UPF3A: variants seen among roughly 807,000 people sequenced by gnomAD.
UPF3A encodes UPF3A regulator of nonsense mediated mRNA decay.
In UPF3A, 42 loss-of-function variants were observed where a neutral mutation model predicts 53.5. That is an observed-to-expected ratio of 0.78 (90% CI 0.61 to 1.01). The LOEUF is 1.01. UPF3A is among the 50% of genes least tolerant of loss of function. UPF3A has a pLI of 0.00. For synonymous variants in UPF3A, 237 were observed against 225.3 expected (o/e 1.05, Z -0.47); for missense variants, 575 against 598.0 (o/e 0.96, Z 0.40).
intron 7 of UPF3A, among the ~76,000 whole-genome samples, chr13:114,294,359 C>T (rs996016704): frequency 3.0e-4 from 45 of 151,732 alleles, no homozygotes; most frequent in Middle Eastern, 3.2e-3. Flanking sequence ...GCCTCTACCT[C>T]CCAGGCTCAA....
At chr13:114,289,861 G>A (rs1381570911) in intron 5 of UPF3A, among the ~76,000 whole-genome samples, 1 of 152,176 alleles carries the variant, frequency 6.6e-6, no homozygotes, top group Non-Finnish European at 1.5e-5. Flanking sequence ...TACTTTGCCC[G>A]TGATCCCTGT....
At chr13:114,288,010 G>C in intron 5 of UPF3A, among the ~76,000 whole-genome samples, 1 of 152,146 alleles carries the variant, frequency 6.6e-6, no homozygotes, top group Non-Finnish European at 1.5e-5. Context: ...TCACCATGTT[G>C]GCCAGGCTGG....
rs1440337330 is a variant in UPF3A at position 114,282,010 on chromosome 13, G to T, written c.208-11G>T. ...TCCGCCCCGGTGGGAACGGCCGCGC[G>T]CTCCCCGCAGGTGGTCATCCGCCGC... is the stretch of plus-strand genomic sequence containing the variant. On this transcript the variant is annotated splice_polypyrimidine_tract_variant and intron_variant, in intron 1 of 9. Coordinates refer to ENST00000375299, the MANE Select transcript of UPF3A (RefSeq NM_023011.4). The T allele has an allele frequency of 1.9e-6, 3 of 1,545,964 alleles. No individual in the cohort carries two copies. The highest frequency in any genetic ancestry group is 1.9e-5 in the Admixed American group (1 of 51,386).
At chr13:114,281,899 T>TGGAG in intron 1 of UPF3A, 53 bp downstream of exon 1, 1 of 621,150 alleles carries the variant, frequency 1.6e-6, no homozygotes, top group African/African-American at 2.6e-5. Context: ...CGGCCCTGAG[T>TGGAG]GGAGGGAGGG....
At position 114,282,926 on chromosome 13, in the gene UPF3A, T is replaced by G; in HGVS notation, c.404T>G (p.Ile135Ser). 3 of 1,608,864 alleles carry G rather than the reference T, an allele frequency of 1.9e-6. No individual in the cohort carries two copies. Among genetic ancestry groups the G allele is most frequent in the Non-Finnish European group, 2.6e-6 (3 of 1,176,196 alleles). ...TTTAGAGATCGTTTTGATGGATATA[T>G]CTTCCTTGACAGCAAAGGTTGGATT... is the stretch of plus-strand genomic sequence containing the variant. ...LLFRDRFDGY[I>S]FLDSKGLEYP... Residue 135 changes from isoleucine (I) to serine (S), a missense_variant, in exon 3 of 10, where the codon ATC becomes AGC. This residue lies in a region of UPF3A where 252 missense variants were observed against 182.7 expected (regional missense o/e 1.38). Transcript: ENST00000375299.
intron 8 of UPF3A, among the ~76,000 whole-genome samples, chr13:114,301,195 C>T (rs2086571742): frequency 6.6e-6 from 1 of 151,964 alleles, no homozygotes; most frequent in African/African-American, 2.4e-5. Flanking sequence ...GGCACGGTGG[C>T]TCACACCTGT....
chr13:114,296,022 G>A (rs1308505999), intron 7 of UPF3A, among the ~76,000 whole-genome samples: 1 of 152,204 alleles, frequency 6.6e-6, no homozygotes. Context: ...GGCCTAGAGA[G>A]AGGTCACCGG....
intron 8 of UPF3A, among the ~76,000 whole-genome samples, chr13:114,301,120 G>A (rs1179896413): frequency 6.6e-6 from 1 of 151,340 alleles, no homozygotes; most frequent in Non-Finnish European, 1.5e-5. Context: ...GTCAAAAGAA[G>A]GTATTTACTT....
chr13:114,295,657 T>C (rs2085902060), intron 7 of UPF3A, among the ~76,000 whole-genome samples: 1 of 152,228 alleles, frequency 6.6e-6, no homozygotes, highest in Non-Finnish European at 1.5e-5. Context: ...TACCTGAGGT[T>C]ATCTTATTCC....
At chr13:114,304,479 G>C (rs1304864397) in intron 9 of UPF3A, among the ~76,000 whole-genome samples, 1 of 152,204 alleles carries the variant, frequency 6.6e-6, no homozygotes, top group Admixed American at 6.5e-5. Context: ...AACCATCTGT[G>C]AGGGTCCACA....
intron 8 of UPF3A, among the ~76,000 whole-genome samples, chr13:114,301,460 C>T (rs2086597964): frequency 6.8e-6 from 1 of 147,050 alleles, no homozygotes. Flanking sequence ...GAGACTCCAT[C>T]TCAGAAAAAA....
In UPF3A at chr13:114,282,436, G is replaced by T. The variant is rs998420472; in HGVS notation, c.314+309G>T. The T allele has an allele frequency of 4.8e-5, 47 of 985,368 alleles. No individual in the cohort carries two copies. The Middle Eastern group carries it at 2.1e-3, about 44-fold the overall frequency. 61.0% of individuals were successfully genotyped at this position (985,368 alleles called of 1,614,324 possible). ...CTCCCGGGCTTCCCTGCTCGTCCGCGGACGGGGCGCTGCGGGGCCGGGGGG... is the reference window on the plus strand; with the variant it reads ...CTCCCGGGCTTCCCTGCTCGTCCGCTGACGGGGCGCTGCGGGGCCGGGGGG... On this transcript the variant is annotated intron_variant, in intron 2 of 9. Transcript: ENST00000375299.
chr13:114,285,325 T>C (rs559338293), intron 3 of UPF3A: 1 of 152,394 alleles, frequency 6.6e-6, no homozygotes, highest in East Asian at 1.9e-4. Context: ...ACCACACTGA[T>C]TACTTTCAGC....
At chr13:114,294,159 CT>C (rs1245199730) in intron 7 of UPF3A, among the ~76,000 whole-genome samples, 1 of 151,754 alleles carries the variant, frequency 6.6e-6, no homozygotes, top group East Asian at 1.9e-4. Context: ...AATTGAAATT[CT>C]TTTAATGCCT....
intron 5 of UPF3A, among the ~76,000 whole-genome samples, chr13:114,288,188 G>C (rs1480661275): frequency 6.6e-6 from 1 of 152,238 alleles, no homozygotes. Context: ...CCTCAGCATG[G>C]GGCCAAGTGG....
At chr13:114,288,630 C>T (rs778375224) in intron 5 of UPF3A, among the ~76,000 whole-genome samples, 47 of 152,128 alleles carry the variant, frequency 3.1e-4, no homozygotes, top group Middle Eastern at 3.2e-3. Flanking sequence ...TATTTGTCCC[C>T]GTCACTTTGG....
chr13:114,288,020 G>A (rs1470019547), intron 5 of UPF3A, among the ~76,000 whole-genome samples: 1 of 152,144 alleles, frequency 6.6e-6, no homozygotes, highest in Non-Finnish European at 1.5e-5. Context: ...GGCCAGGCTG[G>A]TCTTGAACTC....
intron 7 of UPF3A, among the ~76,000 whole-genome samples, chr13:114,294,844 G>C (rs943277160): frequency 1.1e-4 from 15 of 139,358 alleles, no homozygotes; most frequent in African/African-American, 4.0e-4. Context: ...GGACCGCGGT[G>C]GCTCACACCT....
At chr13:114,288,040 G>A (rs142060852) in intron 5 of UPF3A, among the ~76,000 whole-genome samples, 3,528 of 152,302 alleles carry the variant, frequency 0.023, 142 homozygotes, top group African/African-American at 0.081. Context: ...CCTGATCTCA[G>A]ATGATCCGCC....
Sources: allele counts gnomAD v4.1 joint callset (sites outside exome capture counted in the v4.1 genomes callset), GRCh38; gene constraint gnomAD v4.1.1; regional missense constraint gnomAD v4.1.1; transcripts MANE v1.5; gene names NCBI Gene and HGNC (gene_info 2026-07-23, HGNC 2026-07-21).